GLIS3: variants seen among roughly 807,000 people sequenced by gnomAD.
GLIS3 encodes GLIS family zinc finger 3.
GLIS3 carries 53 observed loss-of-function variants against 78.6 expected under a neutral mutation model. The ratio of observed to expected loss-of-function variants is 0.67; its 90% CI spans 0.54 to 0.85. The LOEUF (loss-of-function observed/expected upper bound fraction) is 0.85. GLIS3 is among the 40% of genes least tolerant of loss of function. The pLI is 0.00. For synonymous variants in GLIS3, 684 were observed against 509.9 expected (o/e 1.34, Z -4.60); for missense variants, 1,703 against 1,231.1 (o/e 1.38, Z -5.74).
At chr9:4,264,562 C>G (rs66530158) in intron 2 of GLIS3, among the ~76,000 whole-genome samples, 32,561 of 152,046 alleles carry the variant, frequency 0.21, 3,678 homozygotes, top group Admixed American at 0.26. Context: ...GGCTGTACCT[C>G]AATCAAATCA....
chr9:3,836,592 C>T (rs900825859), intron 9 of GLIS3, among the ~76,000 whole-genome samples: 16 of 152,138 alleles, frequency 1.1e-4, no homozygotes, highest in African/African-American at 3.6e-4. Context: ...TGGCCTACCA[C>T]CTTTGAATAC....
At chr9:4,132,716 G>C (rs1482101504) in intron 2 of GLIS3, among the ~76,000 whole-genome samples, 1 of 152,110 alleles carries the variant, frequency 6.6e-6, no homozygotes, top group Non-Finnish European at 1.5e-5. Flanking sequence ...GGTGATCCCT[G>C]CTCCTAGGCT....
intron 2 of GLIS3, among the ~76,000 whole-genome samples, chr9:4,161,930 C>T (rs1835512285): frequency 6.6e-6 from 1 of 152,096 alleles, no homozygotes; most frequent in East Asian, 1.9e-4. Context: ...AAGTGATCCA[C>T]CTGCCTCGGC....
chr9:4,320,029 G>A (rs911429885), intron 2 of GLIS3, among the ~76,000 whole-genome samples: 15 of 150,484 alleles, frequency 1.0e-4, no homozygotes, highest in East Asian at 3.9e-4. Flanking sequence ...GTGTGTGCGC[G>A]CGCACAAGAG....
At chr9:3,985,900 T>G (rs1167223154) in intron 4 of GLIS3, among the ~76,000 whole-genome samples, 3 of 152,226 alleles carry the variant, frequency 2.0e-5, no homozygotes, top group African/African-American at 4.8e-5. Flanking sequence ...AAATTAAAAC[T>G]GTATAATATT....
chr9:4,391,531 T>C, the GLIS3 span, among the ~76,000 whole-genome samples: 5 of 150,456 alleles, frequency 3.3e-5, no homozygotes, highest in African/African-American at 5.0e-5. Flanking sequence ...CATTGCTAGA[T>C]TTATTCCATT....
At chr9:4,309,411 C>CG (rs1563928025) in intron 3 of GLIS3, among the ~76,000 whole-genome samples, 1 of 151,914 alleles carries the variant, frequency 6.6e-6, no homozygotes, top group African/African-American at 2.4e-5. Flanking sequence ...GTGGTTGGGG[C>CG]GGGGGGAGCA....
chr9:4,118,044 C>A lies in GLIS3; in HGVS notation c.1434G>T (p.Gln478His), dbSNP rs756357644. 6.6e-7 allele frequency: 1 copy of A among 1,525,446 alleles called. No individual in the cohort carries two copies. Among genetic ancestry groups the A allele is most frequent in the Non-Finnish European group, 8.9e-7 (1 of 1,124,772 alleles). 94.5% of individuals were successfully genotyped at this position (1,525,446 alleles called of 1,614,324 possible). Residue 478 changes from glutamine to histidine, a missense_variant, in exon 4 of 11, where the codon CAG becomes CAT. Transcript: ENST00000381971. The surrounding 1 kb of genome is among the most constrained non-coding windows in gnomAD (Gnocchi z 4.7). ...LHHPELGPHAQQLALPQATLD... is the reference protein window; with the variant it reads ...LHHPELGPHAHQLALPQATLD... ...GGGTGGCCTGGGGCAAGGCCAGCTG[C>A]TGGGCGTGGGGCCCGAGCTCCGGGT...
At chr9:4,087,682 T>C (rs1291817826) in intron 4 of GLIS3, among the ~76,000 whole-genome samples, 1 of 152,186 alleles carries the variant, frequency 6.6e-6, no homozygotes, top group Admixed American at 6.5e-5. Context: ...TGGTACATCA[T>C]CATAAAATTC....
chr9:4,341,883 C>T (rs1053457375), intron 2 of GLIS3, among the ~76,000 whole-genome samples: 14 of 152,126 alleles, frequency 9.2e-5, no homozygotes, highest in Non-Finnish European at 1.8e-4. Flanking sequence ...GCTTGTTGAC[C>T]ACGTATATGT....
At chr9:4,224,154 G>T (rs1485763846) in intron 2 of GLIS3, among the ~76,000 whole-genome samples, 1 of 152,176 alleles carries the variant, frequency 6.6e-6, no homozygotes, top group Non-Finnish European at 1.5e-5. Context: ...GGAGCCCCTT[G>T]CACTCTGATT....
At chr9:4,403,694 G>A in the GLIS3 span, among the ~76,000 whole-genome samples, 13 of 151,840 alleles carry the variant, frequency 8.6e-5, no homozygotes, top group Non-Finnish European at 1.5e-4. Context: ...CAAGACTCAT[G>A]GTAACCTCAA....
chr9:4,481,608 A>G, the GLIS3 span, among the ~76,000 whole-genome samples: 3 of 152,138 alleles, frequency 2.0e-5, no homozygotes, highest in East Asian at 5.8e-4. Context: ...AAGCTAAAAT[A>G]TGCTTTTCAA....
At chr9:4,476,916 A>G in the GLIS3 span, among the ~76,000 whole-genome samples, 1 of 152,180 alleles carries the variant, frequency 6.6e-6, no homozygotes, top group African/African-American at 2.4e-5. Flanking sequence ...TATAATAACA[A>G]ATATTGGTGA....
At chr9:3,844,546 TATTA>T (rs1435658805) in intron 9 of GLIS3, among the ~76,000 whole-genome samples, 1 of 152,216 alleles carries the variant, frequency 6.6e-6, no homozygotes, top group Non-Finnish European at 1.5e-5. Flanking sequence ...TCTATAATAA[TATTA>T]ATTAAACACT....
intron 9 of GLIS3, among the ~76,000 whole-genome samples, chr9:3,845,513 C>T (rs550412357): frequency 4.6e-5 from 7 of 152,140 alleles, no homozygotes; most frequent in African/African-American, 1.7e-4. Context: ...AGTTTCAGTA[C>T]TGTAAGGACT....
intron 4 of GLIS3, among the ~76,000 whole-genome samples, chr9:4,053,933 T>C (rs1182055914): frequency 6.6e-6 from 1 of 152,202 alleles, no homozygotes; most frequent in Non-Finnish European, 1.5e-5. Flanking sequence ...CTTCAGGCTT[T>C]GAGTTTTGTT....
chr9:3,967,015 A>AG, intron 4 of GLIS3, among the ~76,000 whole-genome samples: 1 of 133,204 alleles, frequency 7.5e-6, no homozygotes, highest in Non-Finnish European at 1.6e-5. Context: ...TTTCTGCAAA[A>AG]AAAAAAAAAA....
At position 3,827,575 on chromosome 9, in the gene GLIS3, T is replaced by C. The variant is rs1393144629; in HGVS notation, c.*697A>G. On this transcript the variant is annotated 3_prime_UTR_variant, in exon 11 of 11. Transcript: ENST00000381971. ...TCTATAGCTGGGGTGATTACAATAA[T>C]AATGATTTCCATCCAAAGCACAGAC... The C allele has an allele frequency of 6.6e-6, 1 of 152,650 alleles. No individual in the cohort carries two copies. The highest frequency in any genetic ancestry group is 1.5e-5 in the Non-Finnish European group (1 of 68,750). 9.5% of individuals were successfully genotyped at this position (152,650 alleles called of 1,614,324 possible).
Sources: gnomAD v4.1 joint callset for allele counts (sites outside exome capture counted in the v4.1 genomes callset) on GRCh38, gnomAD v4.1.1 for gene constraint, Gnocchi (gnomAD v3.1) non-coding constraint, MANE v1.5 for transcripts, NCBI Gene and HGNC (gene_info 2026-07-23, HGNC 2026-07-21) for gene names.